Variants in ADAT2 observed in about 807,000 individuals in gnomAD.
The protein encoded by ADAT2 is adenosine deaminase tRNA specific 2, also known as tRNA-specific adenosine-34 deaminase catalytic subunit ADAT2.
ADAT2 carries 26 observed loss-of-function variants against 25.9 expected under a neutral mutation model. That is an observed-to-expected ratio of 1.00 (90% confidence interval 0.74 to 1.39). The LOEUF (loss-of-function observed/expected upper bound fraction) is 1.39, where lower values mean the gene tolerates loss of function less well. ADAT2 is among the 40% of genes most tolerant of loss of function. The pLI is 0.00. For synonymous variants in ADAT2, 76 were observed against 86.8 expected, an observed-to-expected ratio of 0.88 and a Z score of 0.69; for missense variants, 220 against 244.8, an observed-to-expected ratio of 0.90 and a Z score of 0.68.
At position 143,434,236 on chromosome 6, in the gene ADAT2, G is replaced by C. The variant is rs531667681; in HGVS notation, c.202-255C>G. ...TTTAGTTAAGTACCTAAGTACCTTAGGGAAAACTCTTTCAATTAAAATGCC... is the reference window on the plus strand; with the variant it reads ...TTTAGTTAAGTACCTAAGTACCTTACGGAAAACTCTTTCAATTAAAATGCC... On this transcript the variant is annotated intron_variant, in intron 2 of 5. Transcript: ENST00000237283. The surrounding 1 kb of genome is among the most constrained non-coding windows in gnomAD (Gnocchi z 4.5). 2.2e-4 allele frequency among the ~76,000 whole-genome samples: 34 copies of C among 152,220 alleles called. No homozygotes were observed. The highest frequency in any genetic ancestry group is 7.5e-4 in the African/African-American group (31 of 41,516).
chr6:143,439,233 A>T (rs769320048), intron 1 of ADAT2, among the ~76,000 whole-genome samples: 2 of 152,090 alleles, frequency 1.3e-5, no homozygotes, highest in African/African-American at 4.8e-5. Flanking sequence ...TCTATGTAAA[A>T]TGGCACAATC....
intron 1 of ADAT2, among the ~76,000 whole-genome samples, chr6:143,448,850 A>G (rs922630711): frequency 6.6e-6 from 1 of 152,284 alleles, no homozygotes; most frequent in South Asian, 2.1e-4. Flanking sequence ...TAAACCAAAA[A>G]AAAATCTTCT....
intron 4 of ADAT2, among the ~76,000 whole-genome samples, chr6:143,430,351 C>T (rs976279585): frequency 6.6e-6 from 1 of 152,162 alleles, no homozygotes; most frequent in Non-Finnish European, 1.5e-5. Flanking sequence ...TGGCCCCCTG[C>T]CTTCTGATTC....
chr6:143,430,474 C>T (rs1056326107), intron 4 of ADAT2, among the ~76,000 whole-genome samples: 7 of 152,132 alleles, frequency 4.6e-5, no homozygotes, highest in African/African-American at 1.2e-4. Context: ...GAAACTGCAC[C>T]GCCCTAACAC....
rs1779199627 is a variant in ADAT2 at position 143,434,205 on chromosome 6, T to C, written c.202-224A>G. 6.6e-6 allele frequency among the ~76,000 whole-genome samples: 1 copy of C among 152,224 alleles called. No individual in the cohort carries two copies. Among genetic ancestry groups the C allele is most frequent in the Non-Finnish European group, 1.5e-5 (1 of 68,050 alleles). On this transcript the variant is annotated intron_variant, in intron 2 of 5. Transcript: ENST00000237283. This position sits in a 1 kb window ranked among gnomAD's most constrained non-coding sequence, Gnocchi z 4.5. Reference sequence around the variant, plus strand: ...ATCAGAGATGCCACAGGAATCATGCTGTATTTTTAGTTAAGTACCTAAGTA... The same window carrying C: ...ATCAGAGATGCCACAGGAATCATGCCGTATTTTTAGTTAAGTACCTAAGTA...
Position 143,444,142 on chromosome 6 carries a change from T to C in ADAT2, c.97-5448A>G, listed in dbSNP as rs574765647. Among the ~76,000 whole-genome samples, 3 of 152,338 alleles carry C rather than the reference T, an allele frequency of 2.0e-5. No individual in the cohort carries two copies. The East Asian group carries it at 5.8e-4, about 29-fold the overall frequency. On this transcript the variant is annotated intron_variant, in intron 1 of 5. Transcript: ENST00000237283. The surrounding 1 kb of genome is among the most constrained non-coding windows in gnomAD (Gnocchi z 4.3). The stretch of plus-strand genomic sequence containing the variant: ...CTCTTTTTCCGTCTAGCAAATTTAT[T>C]TCATTTCACTCCTCTCAATATTATC...
rs151144329 is a variant in ADAT2, at chr6:143,432,166, C to T, written c.459+339G>A. Among the ~76,000 whole-genome samples, 1,703 of 152,294 alleles carry T rather than the reference C, an allele frequency of 0.011. 26 individuals are homozygous for T. The highest frequency in any genetic ancestry group is 0.039 in the African/African-American group (1,607 of 41,556). ...CCAAGCATCACCAAACTTGGTAGAG[C>T]ATAGAGCTGGTAACGTTCATTGAAT... is the stretch of plus-strand genomic sequence containing the variant. On this transcript the variant is annotated intron_variant, in intron 4 of 5. Transcript: ENST00000237283. The surrounding 1 kb of genome is among the most constrained non-coding windows in gnomAD (Gnocchi z 4.4).
At position 143,436,569 on chromosome 6, in the gene ADAT2, G is replaced by T; in HGVS notation, c.201+2021C>A. The stretch of plus-strand genomic sequence containing the variant: ...GCAAGGCCTTCCTGCACTGGTACAT[G>T]GGCGAGGGCAAGAATGAGATGGAAT... On this transcript the variant is annotated intron_variant, in intron 2 of 5. Coordinates refer to ENST00000237283, the MANE Select transcript of ADAT2 (RefSeq NM_182503.3). The surrounding 1 kb of genome is among the most constrained non-coding windows in gnomAD (Gnocchi z 4.1). The T allele has an allele frequency of 2.4e-6, 1 of 412,132 alleles. No individual in the cohort carries two copies. Among genetic ancestry groups the T allele is most frequent in the Non-Finnish European group, 5.0e-6 (1 of 201,306 alleles). 25.5% of individuals were successfully genotyped at this position (412,132 alleles called of 1,614,324 possible).
rs1778883311 is a variant in ADAT2 at position 143,424,835 on chromosome 6, C to G, written c.*3628G>C. ...GAAATTTATGTCATTAATTTTCCTC[C>G]TCTCCTTTCCATCAGTGTCAAATAC... is the stretch of plus-strand genomic sequence containing the variant. On this transcript the variant is annotated 3_prime_UTR_variant, in exon 6 of 6. Coordinates refer to ENST00000237283, the MANE Select transcript of ADAT2 (RefSeq NM_182503.3). The surrounding 1 kb of genome is among the most constrained non-coding windows in gnomAD (Gnocchi z 4.8). 1 of 152,092 alleles carries G rather than the reference C, an allele frequency of 6.6e-6. No individual in the cohort carries two copies. The highest frequency in any genetic ancestry group is 1.5e-5 in the Non-Finnish European group (1 of 68,020). The allele number at this position is 152,092 out of a possible 1,614,324, so 9.4% of individuals were successfully genotyped here. A position where few individuals can be genotyped will look rare whatever the true frequency, so the allele number is the denominator to read the frequency against.
chr6:143,428,766 T>C lies in ADAT2; in HGVS notation c.460-82A>G. On this transcript the variant is annotated intron_variant, in intron 4 of 5. Transcript: ENST00000237283. The surrounding 1 kb of genome is among the most constrained non-coding windows in gnomAD (Gnocchi z 5.0). ...CCCATAAAAACAACATATATATACA[T>C]GATTATGTAAACAGATTTCAGATGT... 1.6e-6 allele frequency: 2 copies of C among 1,271,918 alleles called. No individual in the cohort carries two copies. 78.8% of individuals were successfully genotyped at this position (1,271,918 alleles called of 1,614,324 possible).
chr6:143,438,893 C>CA (rs1335249121), intron 1 of ADAT2, among the ~76,000 whole-genome samples, 199 bp from the exon 2 acceptor site: 8 of 151,632 alleles, frequency 5.3e-5, no homozygotes, highest in Non-Finnish European at 1.0e-4. Flanking sequence ...AAGGGAGACT[C>CA]AAAAAAAATC....
chr6:143,430,421 C>T (rs987874176), intron 4 of ADAT2, among the ~76,000 whole-genome samples: 11 of 152,192 alleles, frequency 7.2e-5, no homozygotes, highest in African/African-American at 2.2e-4. Context: ...GTGATTCTAA[C>T]GGGCAGTCCG....
At chr6:143,435,416 C>T (rs552507632) in intron 2 of ADAT2, among the ~76,000 whole-genome samples, 2 of 152,266 alleles carry the variant, frequency 1.3e-5, no homozygotes, top group East Asian at 3.9e-4. Context: ...CTCAGGTCTT[C>T]TCATTTGGGG....
At position 143,425,116 on chromosome 6, in the gene ADAT2, A is replaced by T. The variant is rs1344468405; in HGVS notation, c.*3347T>A. Reference sequence around the variant, plus strand: ...TAAAACAAGGACCATTCTATTATTTAAAAAAAGAAGAAGAAAACAGAAAGG... The same window carrying T: ...TAAAACAAGGACCATTCTATTATTTTAAAAAAGAAGAAGAAAACAGAAAGG... On this transcript the variant is annotated 3_prime_UTR_variant, in exon 6 of 6. Transcript: ENST00000237283. 1 of 152,194 alleles carries T rather than the reference A, an allele frequency of 6.6e-6. No individual in the cohort carries two copies. Among genetic ancestry groups the T allele is most frequent in the Admixed American group, 6.5e-5 (1 of 15,280 alleles). The allele number at this position is 152,194 out of a possible 1,614,324, so 9.4% of individuals were successfully genotyped here.
rs575440608 is a variant in ADAT2, at chr6:143,434,932, T to C, written c.202-951A>G. On this transcript the variant is annotated intron_variant, in intron 2 of 5. Transcript: ENST00000237283. The surrounding 1 kb of genome is among the most constrained non-coding windows in gnomAD (Gnocchi z 4.5). ...TGTGTAGGATAAAAAGTCTCTGTCCTCAACAAGCATAAAATCTGGTAGGGC... is the reference window on the plus strand; with the variant it reads ...TGTGTAGGATAAAAAGTCTCTGTCCCCAACAAGCATAAAATCTGGTAGGGC... 2.0e-5 allele frequency among the ~76,000 whole-genome samples: 3 copies of C among 152,280 alleles called. No individual in the cohort carries two copies. Among genetic ancestry groups the C allele is most frequent in the African/African-American group, 7.2e-5 (3 of 41,560 alleles).
At chr6:143,449,998 TACAA>T (rs1371513252) in intron 1 of ADAT2, 1 of 152,318 alleles carries the variant, frequency 6.6e-6, no homozygotes, top group Non-Finnish European at 1.5e-5. Flanking sequence ...TACATATATT[TACAA>T]ACAAACTTTT....
chr6:143,431,618 T>C (rs1445284542), intron 4 of ADAT2, among the ~76,000 whole-genome samples: 1 of 152,222 alleles, frequency 6.6e-6, no homozygotes, highest in Non-Finnish European at 1.5e-5. Context: ...AAAGCTAATG[T>C]TGAGCTAGAA....
Position 143,432,646 on chromosome 6 carries a change from A to G in ADAT2, c.353-35T>C. 4 of 1,596,324 alleles carry G rather than the reference A, an allele frequency of 2.5e-6. No individual in the cohort carries two copies. The highest frequency in any genetic ancestry group is 3.4e-6 in the Non-Finnish European group (4 of 1,163,992). On this transcript the variant is annotated intron_variant, in intron 3 of 5. Coordinates refer to ENST00000237283, the MANE Select transcript of ADAT2 (RefSeq NM_182503.3). This position sits in a 1 kb window ranked among gnomAD's most constrained non-coding sequence, Gnocchi z 4.4. Reference sequence around the variant, plus strand: ...AATTAAGGTCCTGCATAGAATGTACATTTCAAGTATGTATCGTGACAAAAT... The same window carrying G: ...AATTAAGGTCCTGCATAGAATGTACGTTTCAAGTATGTATCGTGACAAAAT...
rs1275421917 is a variant in ADAT2 at position 143,446,553 on chromosome 6, T to A, written c.96+4010A>T. Among the ~76,000 whole-genome samples the A allele has an allele frequency of 1.3e-5, 2 of 152,072 alleles. No individual in the cohort carries two copies. The highest frequency in any genetic ancestry group is 4.8e-5 in the African/African-American group (2 of 41,376). On this transcript the variant is annotated intron_variant, in intron 1 of 5. Transcript: ENST00000237283. The surrounding 1 kb of genome is among the most constrained non-coding windows in gnomAD (Gnocchi z 5.0). ...TACAAAATTGGGGAAAGTATATGCC[T>A]CGGCAATTCACAGAAGAAAAAAATC...
Sources: gnomAD v4.1 joint callset for allele counts (sites outside exome capture counted in the v4.1 genomes callset) on GRCh38, gnomAD v4.1.1 for gene constraint, Gnocchi (gnomAD v3.1) non-coding constraint, MANE v1.5 for transcripts, NCBI Gene and HGNC (gene_info 2026-07-23, HGNC 2026-07-21) for gene names.